The following RIC1 variants were observed in gnomAD, a reference collection of about 807,000 sequenced individuals.
RIC1 encodes the protein RIC1 partner of RAB6A GEF complex.
RIC1 carries 88 observed loss-of-function variants against 169.0 expected under a neutral mutation model. That is an observed-to-expected ratio of 0.52 (90% CI 0.44 to 0.62). The LOEUF is 0.62. Among genes scored for constraint, RIC1 ranks in the 20% least tolerant of loss-of-function variants. The pLI is 0.00. For missense variants in RIC1, 1,877 were observed against 1,725.5 expected, an observed-to-expected ratio of 1.09 and a Z score of -1.56; for synonymous variants, 790 against 601.5, an observed-to-expected ratio of 1.31 and a Z score of -4.59.
At chr9:5,771,291 T>G (rs1827202198) in intron 23 of RIC1, among the ~76,000 whole-genome samples, 1 of 152,202 alleles carries the variant, frequency 6.6e-6, no homozygotes, top group Non-Finnish European at 1.5e-5. Flanking sequence ...TTCTAGGTAC[T>G]TCATATAAGG....
At chr9:5,679,480 A>G (rs1221218416) in intron 2 of RIC1, among the ~76,000 whole-genome samples, 3 of 152,140 alleles carry the variant, frequency 2.0e-5, no homozygotes, top group Non-Finnish European at 4.4e-5. Context: ...GAGCATGGAA[A>G]GTTCTTCCAT....
chr9:5,747,544 TGATAG>T, intron 12 of RIC1, 39 bp downstream of exon 12: 1 of 1,495,132 alleles, frequency 6.7e-7, no homozygotes, highest in Non-Finnish European at 9.3e-7. Flanking sequence ...ACTTATTCTT[TGATAG>T]GATATCACCT....
chr9:5,675,721 A>G (rs1412394737), intron 2 of RIC1, among the ~76,000 whole-genome samples: 1 of 152,230 alleles, frequency 6.6e-6, no homozygotes. Context: ...TACATACAAA[A>G]TGGCCTACAA....
intron 6 of RIC1, among the ~76,000 whole-genome samples, chr9:5,730,359 C>G (rs1824290088): frequency 6.6e-6 from 1 of 151,992 alleles, no homozygotes. Context: ...TGAGCTAAGC[C>G]CAATATTTAA....
intron 3 of RIC1, among the ~76,000 whole-genome samples, chr9:5,708,755 C>G (rs1822753329): frequency 6.6e-6 from 1 of 152,034 alleles, no homozygotes; most frequent in African/African-American, 2.4e-5. Context: ...CTTGGAGTTT[C>G]TTGGAAGAAA....
chr9:5,772,778 A>C, intron 24 of RIC1, 37 bp downstream of exon 24: 1 of 1,582,864 alleles, frequency 6.3e-7, no homozygotes, highest in Non-Finnish European at 8.6e-7. Flanking sequence ...CAGAATGCCT[A>C]CTCAGAGTAT....
At chr9:5,661,401 T>C (rs1001294167) in intron 2 of RIC1, among the ~76,000 whole-genome samples, 3 of 152,192 alleles carry the variant, frequency 2.0e-5, no homozygotes, top group Non-Finnish European at 2.9e-5. Flanking sequence ...GGGGATAGCA[T>C]TGAATCTATA....
At chr9:5,693,515 G>C (rs1563905884) in intron 3 of RIC1, among the ~76,000 whole-genome samples, 1 of 152,058 alleles carries the variant, frequency 6.6e-6, no homozygotes, top group Non-Finnish European at 1.5e-5. Context: ...TTCCATTTTA[G>C]AAATCTTAGA....
rs1206333590 is a variant in RIC1, at chr9:5,763,029, C to CA, written c.2113-104dup. The CA allele has an allele frequency of 6.7e-6, 9 of 1,341,404 alleles. No individual in the cohort carries two copies. The highest frequency in any genetic ancestry group is 2.7e-5 in the Admixed American group (1 of 37,734). The allele number at this position is 1,341,404 out of a possible 1,614,324, so 83.1% of individuals were successfully genotyped here. On this transcript the variant is annotated intron_variant, in intron 18 of 25. Transcript: ENST00000414202. This position sits in a 1 kb window ranked among gnomAD's most constrained non-coding sequence, Gnocchi z 5.2. ...TCTAATTAGATCCCTTTGCTTTTCC[C>CA]AAAAAAATATTATACTATCATTTGA...
intron 8 of RIC1, among the ~76,000 whole-genome samples, chr9:5,741,286 A>C (rs1385389093): frequency 6.6e-6 from 1 of 152,098 alleles, no homozygotes. Context: ...CTGCAGTTCA[A>C]CTGTGATGTG....
intron 3 of RIC1, among the ~76,000 whole-genome samples, chr9:5,711,744 G>A (rs10117273): frequency 0.2 from 30,285 of 151,924 alleles, 3,126 homozygotes; most frequent in East Asian, 0.25. Flanking sequence ...CCCCACAACA[G>A]GACCTGATGT....
chr9:5,642,711 C>T lies in RIC1; in HGVS notation c.144+13258C>T, dbSNP rs867506102. ...ATAGTGGGTTCTGCCTGGCCACTGC[C>T]GGGCAGTCATCTTCAGGTGTTTATG... On this transcript the variant is annotated intron_variant, in intron 1 of 25. Coordinates refer to ENST00000414202, the MANE Select transcript of RIC1 (RefSeq NM_020829.4). Among the ~76,000 whole-genome samples, 62 of 122,896 alleles carry T rather than the reference C, an allele frequency of 5.0e-4. 16 individuals are homozygous for T. Among genetic ancestry groups the T allele is most frequent in the African/African-American group, 2.6e-3 (60 of 23,360 alleles). The allele number at this position is 122,896 out of a possible 152,430, so 80.6% of individuals were successfully genotyped here. A position where few individuals can be genotyped will look rare whatever the true frequency, so the allele number is the denominator to read the frequency against.
Position 5,713,950 on chromosome 9 carries a change from A to G in RIC1, c.387A>G (p.Pro129=), listed in dbSNP as rs907781585. 1.2e-6 allele frequency: 2 copies of G among 1,613,372 alleles called. No homozygotes were observed. The highest frequency in any genetic ancestry group is 1.7e-5 in the Admixed American group (1 of 60,024). ...ATTTTAAGGAAGAACAGTGTGCTCCAGCATTAAATTTGGAGATGAGGAAAA... is the reference window on the plus strand; with the variant it reads ...ATTTTAAGGAAGAACAGTGTGCTCCGGCATTAAATTTGGAGATGAGGAAAA... The part of the protein sequence containing the change: ...TPHFKEEQCA[P]ALNLEMRKIL... The change falls in exon 4 of 26, where the codon CCA becomes CCG. Residue 129 remains proline (P), a synonymous_variant. Coordinates refer to ENST00000414202, the MANE Select transcript of RIC1 (RefSeq NM_020829.4).
intron 2 of RIC1, among the ~76,000 whole-genome samples, chr9:5,659,985 C>G (rs533939199): frequency 2.0e-5 from 3 of 152,256 alleles, no homozygotes; most frequent in African/African-American, 7.2e-5. Flanking sequence ...CTTCCAGATG[C>G]TCTCCCTCAT....
chr9:5,734,486 T>C (rs966891391), intron 7 of RIC1, among the ~76,000 whole-genome samples: 33 of 152,198 alleles, frequency 2.2e-4, no homozygotes, highest in African/African-American at 7.2e-4. Flanking sequence ...TTTCCAGGAA[T>C]TGGTTTCTTT....
chr9:5,695,946 C>G (rs1049141993), intron 3 of RIC1, among the ~76,000 whole-genome samples: 7 of 151,646 alleles, frequency 4.6e-5, no homozygotes, highest in African/African-American at 1.7e-4. Context: ...CATGCTATTG[C>G]TTTGCTAAAC....
chr9:5,629,397 C>T lies in RIC1; in HGVS notation c.88C>T (p.Gln30Ter). Residue 30 changes from glutamine (Q) to a stop codon, truncating the protein, a stop_gained, in exon 1 of 26, where the codon CAG (glutamine) becomes TAG (stop). Coordinates refer to ENST00000414202, the MANE Select transcript of RIC1 (RefSeq NM_020829.4). LOFTEE classifies it high-confidence loss of function. ...GCCTTTCCACGTTCAGTCCGACCCG[C>T]AGAGGGCTTTCTTCGCCGTGCTGGC... ...EAPFHVQSDP[Q>*]RAFFAVLAAA... 6.5e-7 allele frequency: 1 copy of T among 1,534,552 alleles called. No homozygotes were observed. The highest frequency in any genetic ancestry group is 8.7e-7 in the Non-Finnish European group (1 of 1,146,282).
intron 18 of RIC1, among the ~76,000 whole-genome samples, 194 bp downstream of exon 18, chr9:5,762,854 C>G (rs1338290942): frequency 6.6e-6 from 1 of 152,044 alleles, no homozygotes; most frequent in Admixed American, 6.6e-5. Flanking sequence ...ATGAAATGTT[C>G]CATACTCCAT....
At chr9:5,769,953 C>T (rs1446986375) in intron 22 of RIC1, 134 bp from the exon 23 acceptor site, 2 of 730,118 alleles carry the variant, frequency 2.7e-6, no homozygotes, top group East Asian at 2.7e-5. Flanking sequence ...TGATACAGTA[C>T]AGGACAGTAA....
Sources: gnomAD v4.1 joint callset for allele counts (sites outside exome capture counted in the v4.1 genomes callset) on GRCh38, gnomAD v4.1.1 for gene constraint, Gnocchi (gnomAD v3.1) non-coding constraint, MANE v1.5 for transcripts, NCBI Gene and HGNC (gene_info 2026-07-23, HGNC 2026-07-21) for gene names.